The following SERGEF variants were observed in gnomAD, a reference collection of about 807,000 sequenced individuals.
SERGEF encodes secretion-regulating guanine nucleotide exchange factor.
SERGEF carries 51 observed loss-of-function variants against 50.0 expected under a neutral mutation model. The observed-to-expected ratio is 1.02, with a 90% CI of 0.81 to 1.29. SERGEF has a LOEUF of 1.29. Among genes scored for constraint, SERGEF ranks in the 50% most tolerant of loss-of-function variants. SERGEF has a pLI of 0.00. For missense variants in SERGEF, 521 were observed against 557.0 expected (o/e 0.94, Z 0.65); for synonymous variants, 205 against 212.4 (o/e 0.97, Z 0.30).
intron 10 of SERGEF, among the ~76,000 whole-genome samples, chr11:17,843,678 T>G (rs968234376): frequency 6.6e-6 from 1 of 152,150 alleles, no homozygotes; most frequent in Non-Finnish European, 1.5e-5. Flanking sequence ...ATTCCCTCCT[T>G]CCCTTCATTG....
intron 8 of SERGEF, among the ~76,000 whole-genome samples, chr11:17,976,421 G>C (rs879831821): frequency 2.6e-5 from 4 of 151,328 alleles, no homozygotes; most frequent in Non-Finnish European, 5.9e-5. Flanking sequence ...GAGTAGATGG[G>C]ACTACAGGCA....
intron 9 of SERGEF, among the ~76,000 whole-genome samples, chr11:17,936,780 A>G (rs1482640803): frequency 6.6e-6 from 1 of 152,230 alleles, no homozygotes; most frequent in Non-Finnish European, 1.5e-5. Flanking sequence ...CAAATGAAGT[A>G]CTTCAGACAC....
chr11:17,929,798 T>C (rs1370039195), intron 9 of SERGEF, among the ~76,000 whole-genome samples: 1 of 152,206 alleles, frequency 6.6e-6, no homozygotes, highest in Non-Finnish European at 1.5e-5. Context: ...GCCTGATTTA[T>C]TCCCCCATCC....
intron 10 of SERGEF, among the ~76,000 whole-genome samples, chr11:17,842,315 A>G (rs1049710732): frequency 2.0e-5 from 3 of 152,154 alleles, no homozygotes; most frequent in African/African-American, 7.2e-5. Context: ...TTGAGTCTGG[A>G]TTAGACTAAC....
At chr11:17,836,439 A>T (rs565785069) in intron 10 of SERGEF, among the ~76,000 whole-genome samples, 1 of 152,198 alleles carries the variant, frequency 6.6e-6, no homozygotes, top group Non-Finnish European at 1.5e-5. Context: ...CTGCATCCAG[A>T]CTCAGTAGAA....
chr11:17,863,336 C>T (rs761306998), intron 10 of SERGEF, among the ~76,000 whole-genome samples: 2 of 152,176 alleles, frequency 1.3e-5, no homozygotes, highest in Admixed American at 6.5e-5. Flanking sequence ...AAATAACCCA[C>T]GATAGTTCTA....
intron 9 of SERGEF, among the ~76,000 whole-genome samples, chr11:17,953,018 C>T (rs1166923752): frequency 6.6e-6 from 1 of 152,124 alleles, no homozygotes; most frequent in Non-Finnish European, 1.5e-5. Context: ...ACTAATTTGA[C>T]ATCAAGCCTT....
chr11:17,894,423 C>A (rs1371428802), intron 9 of SERGEF, among the ~76,000 whole-genome samples: 1 of 152,204 alleles, frequency 6.6e-6, no homozygotes, highest in African/African-American at 2.4e-5. Flanking sequence ...TGACTAAAAG[C>A]ACATAGCTAG....
chr11:17,802,445 CTT>C (rs1849688401), intron 10 of SERGEF, among the ~76,000 whole-genome samples: 1 of 152,160 alleles, frequency 6.6e-6, no homozygotes, highest in South Asian at 2.1e-4. Context: ...GGGCTAGAGA[CTT>C]TGAGGCTGAG....
intron 9 of SERGEF, among the ~76,000 whole-genome samples, chr11:17,930,110 G>T (rs1852324641): frequency 6.6e-6 from 1 of 152,212 alleles, no homozygotes; most frequent in Non-Finnish European, 1.5e-5. Flanking sequence ...CCACTCATTA[G>T]CTAGGTTACC....
At chr11:17,848,380 C>A (rs1321912068) in intron 10 of SERGEF, among the ~76,000 whole-genome samples, 1 of 152,120 alleles carries the variant, frequency 6.6e-6, no homozygotes, top group Non-Finnish European at 1.5e-5. Context: ...CAAAAGCATA[C>A]AGGGATGAAA....
In SERGEF at chr11:17,961,943, C is replaced by T. The variant is rs549604940; in HGVS notation, c.845-2307G>A. Among the ~76,000 whole-genome samples, 8 of 152,264 alleles carry T rather than the reference C, an allele frequency of 5.3e-5. No homozygotes were observed. The South Asian group carries it at 6.2e-4, about 12-fold the overall frequency. Reference sequence around the variant, plus strand: ...CCCAGGTACCCAGTACATTCATTGACGCTGGCTCAATCCTCACAATAATGC... The same window carrying T: ...CCCAGGTACCCAGTACATTCATTGATGCTGGCTCAATCCTCACAATAATGC... On this transcript the variant is annotated intron_variant, in intron 8 of 10. Coordinates refer to ENST00000265965, the MANE Select transcript of SERGEF (RefSeq NM_012139.4).
At chr11:17,859,278 C>A (rs1437927976) in intron 10 of SERGEF, among the ~76,000 whole-genome samples, 3 of 151,884 alleles carry the variant, frequency 2.0e-5, no homozygotes, top group African/African-American at 7.3e-5. Flanking sequence ...TAAACAAGAA[C>A]AGAAAACTAT....
chr11:17,912,829 A>C (rs1851979659), intron 9 of SERGEF, among the ~76,000 whole-genome samples: 1 of 152,222 alleles, frequency 6.6e-6, no homozygotes, highest in Admixed American at 6.5e-5. Flanking sequence ...AACAAGTCAC[A>C]GCCTTCATAT....
At chr11:17,959,338 A>T in intron 9 of SERGEF, 132 bp downstream of exon 9, 1 of 764,660 alleles carries the variant, frequency 1.3e-6, no homozygotes, top group Non-Finnish European at 2.1e-6. Context: ...TGAGCTCCTT[A>T]GGGCAAGGAC....
At chr11:17,872,714 A>G (rs1281124688) in intron 10 of SERGEF, among the ~76,000 whole-genome samples, 1 of 152,238 alleles carries the variant, frequency 6.6e-6, no homozygotes, top group African/African-American at 2.4e-5. Flanking sequence ...TTATAATAAC[A>G]AAAGACTAGA....
intron 9 of SERGEF, among the ~76,000 whole-genome samples, chr11:17,902,585 G>C (rs1317668608): frequency 6.6e-6 from 1 of 152,180 alleles, no homozygotes; most frequent in African/African-American, 2.4e-5. Context: ...GAGGGATTTG[G>C]GGAAGGTAGG....
intron 10 of SERGEF, among the ~76,000 whole-genome samples, chr11:17,859,462 C>A (rs904904719): frequency 1.3e-5 from 2 of 151,858 alleles, no homozygotes; most frequent in Non-Finnish European, 1.5e-5. Flanking sequence ...TCAGGAAATT[C>A]AATATACATT....
chr11:18,006,424 C>T (rs1854075101), intron 3 of SERGEF, among the ~76,000 whole-genome samples, 167 bp downstream of exon 3: 1 of 152,196 alleles, frequency 6.6e-6, no homozygotes, highest in African/African-American at 2.4e-5. Context: ...GATACACCTG[C>T]CTTGGCCTCC....
Sources: gnomAD v4.1 joint callset for allele counts (sites outside exome capture counted in the v4.1 genomes callset) on GRCh38, gnomAD v4.1.1 for gene constraint, MANE v1.5 for transcripts, NCBI Gene and HGNC (gene_info 2026-07-23, HGNC 2026-07-21) for gene names.